Variants in RBMS3 observed in about 807,000 individuals in gnomAD.
RBMS3 encodes the protein RNA binding motif single stranded interacting protein 3, also known as RNA-binding motif, single-stranded-interacting protein 3.
A neutral mutation model predicts 66.8 loss-of-function variants in RBMS3; 27 were observed. That is an observed-to-expected ratio of 0.40 (90% CI 0.30 to 0.56). The LOEUF (loss-of-function observed/expected upper bound fraction) is 0.56. Among genes scored for constraint, RBMS3 ranks in the 20% least tolerant of loss-of-function variants. RBMS3 has a pLI of 0.40. For missense variants in RBMS3, 513 were observed against 549.5 expected, an observed-to-expected ratio of 0.93 and a Z score of 0.66; for synonymous variants, 188 against 183.0, an observed-to-expected ratio of 1.03 and a Z score of -0.22.
chr3:29,475,521 A>T (rs1432134296), intron 2 of RBMS3, among the ~76,000 whole-genome samples: 1 of 152,136 alleles, frequency 6.6e-6, no homozygotes, highest in African/African-American at 2.4e-5. Flanking sequence ...AAGTGCTGGG[A>T]TTACAGGCGT....
At chr3:29,529,144 T>C (rs1441547358) in intron 3 of RBMS3, among the ~76,000 whole-genome samples, 1 of 152,226 alleles carries the variant, frequency 6.6e-6, no homozygotes, top group Non-Finnish European at 1.5e-5. Context: ...CTGCTCATAT[T>C]TTAGAATTGA....
At chr3:30,002,190 A>G (rs1166603854) in intron 14 of RBMS3, among the ~76,000 whole-genome samples, 10 of 152,072 alleles carry the variant, frequency 6.6e-5, no homozygotes, top group Admixed American at 6.6e-4. Flanking sequence ...TCATAAATAT[A>G]TCAATGCTTT....
chr3:29,386,207 T>A (rs2039002046), intron 1 of RBMS3, among the ~76,000 whole-genome samples: 1 of 151,924 alleles, frequency 6.6e-6, no homozygotes, highest in Admixed American at 6.6e-5. Context: ...AACAGTCTCA[T>A]TTTAACAGCA....
intron 11 of RBMS3, among the ~76,000 whole-genome samples, chr3:29,939,001 C>T (rs2061332256): frequency 6.6e-6 from 1 of 151,970 alleles, no homozygotes; most frequent in African/African-American, 2.4e-5. Flanking sequence ...CCCTTCACCT[C>T]CAGTGGCTTC....
At chr3:29,660,618 T>A (rs953016380) in intron 4 of RBMS3, among the ~76,000 whole-genome samples, 5 of 152,156 alleles carry the variant, frequency 3.3e-5, no homozygotes, top group African/African-American at 9.7e-5. Context: ...GGTTTTTTTT[T>A]ATCTCTTCCT....
rs952326946 is a variant in RBMS3 at position 29,574,385 on chromosome 3, T to C, written c.308-12729T>C. 5.3e-5 allele frequency among the ~76,000 whole-genome samples: 8 copies of C among 152,290 alleles called. No homozygotes were observed. The South Asian group carries it at 8.3e-4, about 16-fold the overall frequency. Reference sequence around the variant, plus strand: ...CTTATATAAGTGTAGATACACCTGCTGTTTTTTGGTTTTCATTGTCATGGA... The same window carrying C: ...CTTATATAAGTGTAGATACACCTGCCGTTTTTTGGTTTTCATTGTCATGGA... On this transcript the variant is annotated intron_variant, in intron 3 of 14. Transcript: ENST00000383767.
chr3:29,433,064 G>A (rs1559357007), intron 1 of RBMS3, among the ~76,000 whole-genome samples: 2 of 151,778 alleles, frequency 1.3e-5, no homozygotes, highest in South Asian at 2.1e-4. Context: ...AGCAGCAGAA[G>A]TTTTGGGATG....
intron 1 of RBMS3, among the ~76,000 whole-genome samples, chr3:29,424,321 T>C (rs1241829561): frequency 6.6e-6 from 1 of 152,176 alleles, no homozygotes; most frequent in African/African-American, 2.4e-5. Context: ...ATTACTAACA[T>C]CCCCCTCTTT....
In RBMS3 at chr3:29,587,109, C is replaced by T. The variant is rs2047543946; in HGVS notation, c.308-5C>T. 1 of 1,599,920 alleles carries T rather than the reference C, an allele frequency of 6.3e-7. No homozygotes were observed. Among genetic ancestry groups the T allele is most frequent in the South Asian group, 1.1e-5 (1 of 88,380 alleles). ...TATTAACAAGGGGATTTTGTGTTTT[C>T]ACAGGTTATGGTTTTGTAGATTTTG... On this transcript the variant is annotated splice_region_variant and splice_polypyrimidine_tract_variant and intron_variant, in intron 3 of 14. Transcript: ENST00000383767.
In RBMS3 at chr3:29,726,826, G is replaced by A. The variant is rs546043411; in HGVS notation, c.400-12894G>A. Among the ~76,000 whole-genome samples the A allele has an allele frequency of 2.6e-5, 4 of 152,184 alleles. No individual in the cohort carries two copies. In the East Asian group the frequency reaches 7.7e-4, roughly 29 times the overall value. On this transcript the variant is annotated intron_variant, in intron 4 of 14. Transcript: ENST00000383767. Reference sequence around the variant, plus strand: ...ATAGATTCAATGCTATTCCTGTTAAGCTACGATTGACTTTCTTTGCAAAAT... The same window carrying A: ...ATAGATTCAATGCTATTCCTGTTAAACTACGATTGACTTTCTTTGCAAAAT...
intron 3 of RBMS3, among the ~76,000 whole-genome samples, chr3:29,518,890 G>A (rs540161533): frequency 1.3e-5 from 2 of 152,162 alleles, no homozygotes; most frequent in Non-Finnish European, 2.9e-5. Context: ...ACTTCTGTGA[G>A]CAAAGCTGTT....
chr3:29,450,247 C>A (rs2041969951), intron 2 of RBMS3, among the ~76,000 whole-genome samples: 1 of 152,120 alleles, frequency 6.6e-6, no homozygotes, highest in South Asian at 2.1e-4. Context: ...CAAGGATTGA[C>A]CACTGGTATA....
At chr3:29,459,408 C>A (rs1399601849) in intron 2 of RBMS3, among the ~76,000 whole-genome samples, 1 of 152,150 alleles carries the variant, frequency 6.6e-6, no homozygotes, top group Non-Finnish European at 1.5e-5. Context: ...TGAATAATTT[C>A]ATAAGCATAT....
intron 1 of RBMS3, among the ~76,000 whole-genome samples, chr3:29,414,635 C>T (rs1258816261): frequency 6.6e-6 from 1 of 152,090 alleles, no homozygotes; most frequent in African/African-American, 2.4e-5. Flanking sequence ...ACTCTGAGCT[C>T]AGTGCTGCAT....
chr3:29,584,060 T>A (rs1055991921), intron 3 of RBMS3, among the ~76,000 whole-genome samples: 3 of 152,164 alleles, frequency 2.0e-5, no homozygotes, highest in Non-Finnish European at 4.4e-5. Flanking sequence ...CCTCCTCATC[T>A]TGCTCATACT....
intron 12 of RBMS3, among the ~76,000 whole-genome samples, chr3:29,982,215 G>C (rs1349023796): frequency 6.6e-6 from 1 of 152,106 alleles, no homozygotes; most frequent in African/African-American, 2.4e-5. Flanking sequence ...TTGCATAGAG[G>C]TGTTTATAGT....
At chr3:29,514,757 A>T (rs2044554879) in intron 3 of RBMS3, among the ~76,000 whole-genome samples, 1 of 148,520 alleles carries the variant, frequency 6.7e-6, no homozygotes, top group Admixed American at 6.8e-5. Flanking sequence ...ATATATATAT[A>T]AGCATATATA....
At chr3:29,592,107 C>A (rs371456915) in intron 4 of RBMS3, among the ~76,000 whole-genome samples, 7 of 146,480 alleles carry the variant, frequency 4.8e-5, no homozygotes, top group Non-Finnish European at 6.0e-5. Flanking sequence ...ATAAAAAAAA[C>A]CAGTGGATTT....
intron 4 of RBMS3, 73 bp from the exon 5 acceptor site, chr3:29,739,647 C>A: frequency 7.4e-7 from 1 of 1,357,246 alleles, no homozygotes; most frequent in South Asian, 1.8e-5. Context: ...GCAGTTTAAA[C>A]AAAAGTTTCT....
Sources: allele counts gnomAD v4.1 joint callset (sites outside exome capture counted in the v4.1 genomes callset), GRCh38; gene constraint gnomAD v4.1.1; transcripts MANE v1.5; gene names NCBI Gene and HGNC (gene_info 2026-07-23, HGNC 2026-07-21).